The following VWA8 variants were observed in gnomAD, a reference collection of about 807,000 sequenced individuals.
The protein encoded by VWA8 is von Willebrand factor A domain containing 8.
VWA8 carries 221 observed loss-of-function variants against 241.5 expected under a neutral mutation model. The ratio of observed to expected loss-of-function variants is 0.91; its 90% CI spans 0.82 to 1.02. The LOEUF is 1.02. Among genes scored for constraint, VWA8 ranks in the 50% least tolerant of loss-of-function variants. VWA8 has a pLI of 0.00. For missense variants in VWA8, 2,322 were observed against 2,328.7 expected (o/e 1.00, Z 0.06); for synonymous variants, 852 against 827.1 (o/e 1.03, Z -0.52).
At chr13:41,830,740 G>A in intron 13 of VWA8, 98 bp from the exon 14 acceptor site, 1 of 983,848 alleles carries the variant, frequency 1.0e-6, no homozygotes. Flanking sequence ...TATTATTGCT[G>A]GCAATTGAGT....
At chr13:41,882,516 T>G (rs1219746331) in intron 9 of VWA8, among the ~76,000 whole-genome samples, 1 of 152,188 alleles carries the variant, frequency 6.6e-6, no homozygotes, top group East Asian at 1.9e-4. Flanking sequence ...TGGGCACCAT[T>G]GAGCACTGAG....
At chr13:41,849,379 C>T (rs977568601) in intron 12 of VWA8, among the ~76,000 whole-genome samples, 1 of 151,970 alleles carries the variant, frequency 6.6e-6, no homozygotes. Flanking sequence ...CAAAGTTATA[C>T]CCTTCATTAT....
At chr13:41,573,506 T>TATATACACAC (rs1439940851) in intron 43 of VWA8, among the ~76,000 whole-genome samples, 3 of 141,646 alleles carry the variant, frequency 2.1e-5, no homozygotes, top group African/African-American at 8.0e-5. Flanking sequence ...TATATATATA[T>TATATACACAC]ACCTCTCTCT....
intron 14 of VWA8, among the ~76,000 whole-genome samples, chr13:41,824,257 G>A (rs1161372698): frequency 2.0e-5 from 3 of 152,192 alleles, no homozygotes; most frequent in Non-Finnish European, 4.4e-5. Context: ...TGGCAAGGCA[G>A]GCATGTGTAG....
intron 40 of VWA8, 143 bp downstream of exon 40, chr13:41,605,025 A>G: frequency 1.5e-6 from 1 of 671,954 alleles, no homozygotes. Flanking sequence ...GCCATGGGAT[A>G]GTCCAGTTTT....
chr13:41,952,204 G>A (rs549429191), intron 1 of VWA8, among the ~76,000 whole-genome samples: 4 of 152,148 alleles, frequency 2.6e-5, no homozygotes, highest in Non-Finnish European at 4.4e-5. Context: ...TCCAGCAATC[G>A]GTGTTACAAT....
intron 4 of VWA8, among the ~76,000 whole-genome samples, chr13:41,902,319 T>C (rs748738876): frequency 6.6e-6 from 1 of 152,200 alleles, no homozygotes; most frequent in African/African-American, 2.4e-5. Context: ...GGCATACCAT[T>C]TTTGTAAAAA....
intron 12 of VWA8, among the ~76,000 whole-genome samples, chr13:41,844,317 G>A (rs1872189538): frequency 6.6e-6 from 1 of 152,016 alleles, no homozygotes; most frequent in Non-Finnish European, 1.5e-5. Flanking sequence ...CAACAACCTA[G>A]GCACTGAAGG....
chr13:41,797,003 C>A (rs1362985050), intron 17 of VWA8, among the ~76,000 whole-genome samples: 1 of 151,848 alleles, frequency 6.6e-6, no homozygotes, highest in Non-Finnish European at 1.5e-5. Flanking sequence ...GACAAATATT[C>A]TTTGCTATTT....
Position 41,938,977 on chromosome 13 carries a change from A to C in VWA8, c.241+10959T>G, listed in dbSNP as rs530245190. On this transcript the variant is annotated intron_variant, in intron 2 of 44. Coordinates refer to ENST00000379310, the MANE Select transcript of VWA8 (RefSeq NM_015058.2). ...TTTCTCAAACCTCAAAATTATTTAC[A>C]AACTAAAGGAAAAAATTCTCTCCTC... Among the ~76,000 whole-genome samples the C allele has an allele frequency of 9.8e-5, 15 of 152,332 alleles. No homozygotes were observed. The South Asian group carries it at 3.1e-3, about 32-fold the overall frequency.
intron 17 of VWA8, chr13:41,807,962 A>T (rs570536120): frequency 2.0e-5 from 3 of 152,314 alleles, no homozygotes; most frequent in Admixed American, 2.0e-4. Flanking sequence ...TGTCTACAAC[A>T]AGCACACTTC....
At chr13:41,770,681 C>T (rs983531335) in intron 20 of VWA8, among the ~76,000 whole-genome samples, 9 of 151,578 alleles carry the variant, frequency 5.9e-5, no homozygotes, top group Admixed American at 3.3e-4. Context: ...CCTACAGACT[C>T]AGTAATGTAA....
intron 1 of VWA8, among the ~76,000 whole-genome samples, chr13:41,958,621 C>T (rs1310190332): frequency 1.3e-5 from 2 of 152,186 alleles, no homozygotes; most frequent in African/African-American, 2.4e-5. Context: ...ATCTTGATAG[C>T]CTTACTCTCA....
intron 40 of VWA8, among the ~76,000 whole-genome samples, chr13:41,598,789 A>T (rs538649382): frequency 6.6e-6 from 1 of 151,376 alleles, no homozygotes; most frequent in East Asian, 1.9e-4. Flanking sequence ...TCTTTCTCTG[A>T]CAATAGCTTG....
At chr13:41,718,432 A>C (rs1373742609) in intron 26 of VWA8, among the ~76,000 whole-genome samples, 3 of 151,508 alleles carry the variant, frequency 2.0e-5, no homozygotes, top group Admixed American at 6.6e-5. Context: ...GCATTGTGCC[A>C]AAAAAAAGTG....
intron 37 of VWA8, among the ~76,000 whole-genome samples, chr13:41,633,763 CTG>C (rs1472900787): frequency 6.6e-6 from 1 of 152,128 alleles, no homozygotes; most frequent in African/African-American, 2.4e-5. Flanking sequence ...CACATAATGA[CTG>C]TAATTAATCA....
chr13:41,750,445 A>G lies in VWA8; in HGVS notation c.2426+10683T>C, dbSNP rs2045646513. Among the ~76,000 whole-genome samples, 5 of 149,368 alleles carry G rather than the reference A, an allele frequency of 3.3e-5. No homozygotes were observed. The South Asian group carries it at 1.1e-3, about 32-fold the overall frequency. On this transcript the variant is annotated intron_variant, in intron 21 of 44. Transcript: ENST00000379310. The stretch of plus-strand genomic sequence containing the variant: ...AGACTCCATCTAAAACAACAACAAC[A>G]ACAACAACAACAACAAAACAAAAAC...
intron 35 of VWA8, among the ~76,000 whole-genome samples, chr13:41,681,463 CAATAT>C (rs1380658818): frequency 6.6e-6 from 1 of 151,840 alleles, no homozygotes; most frequent in Non-Finnish European, 1.5e-5. Context: ...AGAATAAATA[CAATAT>C]GATACTATTT....
At chr13:41,948,248 G>A (rs9532955) in intron 2 of VWA8, among the ~76,000 whole-genome samples, 10 of 152,124 alleles carry the variant, frequency 6.6e-5, no homozygotes, top group African/African-American at 9.7e-5. Context: ...ATTATGCTAA[G>A]ATAAGCAAGA....
Sources: allele counts gnomAD v4.1 joint callset (sites outside exome capture counted in the v4.1 genomes callset), GRCh38; gene constraint gnomAD v4.1.1; transcripts MANE v1.5; gene names NCBI Gene and HGNC (gene_info 2026-07-23, HGNC 2026-07-21).